ZMYM4: variants seen among roughly 807,000 people sequenced by gnomAD.
ZMYM4 encodes zinc finger MYM-type containing 4, also known as zinc finger MYM-type protein 4.
ZMYM4 carries 31 observed loss-of-function variants against 183.2 expected under a neutral mutation model. That is an observed-to-expected ratio of 0.17 (90% confidence interval 0.13 to 0.23). The LOEUF (loss-of-function observed/expected upper bound fraction) is 0.23, where lower values mean the gene tolerates loss of function less well. Ranked by LOEUF, ZMYM4 falls within the 10% of genes least tolerant of loss-of-function variation. The probability of loss-of-function intolerance (pLI) is 1.00; values close to 1 mark genes in which losing one functional copy is unlikely to be tolerated. For missense variants in ZMYM4, 1,273 were observed against 1,840.3 expected (o/e 0.69, Z 5.64); for synonymous variants, 592 against 631.2 (o/e 0.94, Z 0.93).
chr1:35,378,769 CT>C (rs1488184433), intron 7 of ZMYM4, among the ~76,000 whole-genome samples: 1 of 152,164 alleles, frequency 6.6e-6, no homozygotes, highest in Non-Finnish European at 1.5e-5. Context: ...ACTGTTTCTT[CT>C]ACATTGAGAA....
chr1:35,290,329 G>T (rs1640700804), intron 1 of ZMYM4, among the ~76,000 whole-genome samples: 1 of 152,174 alleles, frequency 6.6e-6, no homozygotes, highest in Non-Finnish European at 1.5e-5. Flanking sequence ...ACTACTAATT[G>T]TACTTATGCT....
rs1055667517 is a variant in ZMYM4 at position 35,268,905 on chromosome 1, C to T, written c.-142C>T. Reference sequence around the variant, plus strand: ...CCCGGCGCGCGGCATCCGCCCCCTCCCCACTCTCGGCGCAAGGCCCGGCCG... The same window carrying T: ...CCCGGCGCGCGGCATCCGCCCCCTCTCCACTCTCGGCGCAAGGCCCGGCCG... On this transcript the variant is annotated 5_prime_UTR_variant, in exon 1 of 30. Transcript: ENST00000314607. 7.4e-6 allele frequency: 7 copies of T among 948,652 alleles called. No individual in the cohort carries two copies. The African/African-American group carries it at 8.6e-5, about 12-fold the overall frequency. The allele number at this position is 948,652 out of a possible 1,614,324, so 58.8% of individuals were successfully genotyped here.
At chr1:35,330,218 A>G (rs1217815461) in intron 2 of ZMYM4, among the ~76,000 whole-genome samples, 1 of 149,516 alleles carries the variant, frequency 6.7e-6, no homozygotes, top group South Asian at 2.2e-4. Flanking sequence ...GTCTCAAAAT[A>G]TAAAAGGAAG....
chr1:35,370,522 G>A lies in ZMYM4; in HGVS notation c.1076G>A (p.Gly359Glu). The A allele has an allele frequency of 6.2e-7, 1 of 1,612,980 alleles. No homozygotes were observed. The highest frequency in any genetic ancestry group is 8.5e-7 in the Non-Finnish European group (1 of 1,179,734). ...QKGQTAYQRK[G>E]STQLFCSTLC... The stretch of plus-strand genomic sequence containing the variant: ...GGGCAAACTGCTTATCAGAGGAAAG[G>A]GTCTACTCAGCTATTCTGCTCCACA... Residue 359 changes from glycine to glutamate, a missense_variant, in exon 7 of 30, where the codon GGG becomes GAG. This residue lies in a region of ZMYM4 where 384 missense variants were observed against 465.6 expected (regional missense o/e 0.82). Transcript: ENST00000314607.
In ZMYM4 at chr1:35,389,801, G is replaced by A; in HGVS notation, c.2437-147G>A. The A allele has an allele frequency of 1.8e-6, 1 of 570,650 alleles. No homozygotes were observed. The highest frequency in any genetic ancestry group is 2.2e-5 in the South Asian group (1 of 45,286). 35.3% of individuals were successfully genotyped at this position (570,650 alleles called of 1,614,324 possible). On this transcript the variant is annotated intron_variant, in intron 14 of 29. Transcript: ENST00000314607. The surrounding 1 kb of genome is among the most constrained non-coding windows in gnomAD (Gnocchi z 4.0). ...TATATATGTGTGTGTGTGTGTGTGT[G>A]TGTGTGTATAATCATTGATAAAGAC...
chr1:35,279,799 T>C (rs1019425868), intron 1 of ZMYM4, among the ~76,000 whole-genome samples: 6 of 152,182 alleles, frequency 3.9e-5, no homozygotes, highest in Non-Finnish European at 7.4e-5. Flanking sequence ...TTTCTTCCAG[T>C]TCCCAGTCAC....
intron 2 of ZMYM4, among the ~76,000 whole-genome samples, chr1:35,347,195 C>T (rs1254408493): frequency 2.6e-5 from 4 of 152,176 alleles, no homozygotes; most frequent in African/African-American, 9.6e-5. Context: ...TTAGTAGAGA[C>T]AGGGTTTCAC....
chr1:35,269,028 G>C lies in ZMYM4; in HGVS notation c.-19G>C. 6.5e-7 allele frequency: 1 copy of C among 1,540,058 alleles called. No individual in the cohort carries two copies. The highest frequency in any genetic ancestry group is 2.5e-5 in the East Asian group (1 of 39,830). On this transcript the variant is annotated 5_prime_UTR_variant, in exon 1 of 30. Coordinates refer to ENST00000314607, the MANE Select transcript of ZMYM4 (RefSeq NM_005095.3). ...CGCCACCGCGCGGGGAGCCGCAGCG[G>C]TTCCGAGCGGGGCCCAACATGGCGG... is the stretch of plus-strand genomic sequence containing the variant.
chr1:35,393,586 T>G lies in ZMYM4; in HGVS notation c.2767-9T>G. 1 of 1,563,732 alleles carries G rather than the reference T, an allele frequency of 6.4e-7. No individual in the cohort carries two copies. Among genetic ancestry groups the G allele is most frequent in the Non-Finnish European group, 8.6e-7 (1 of 1,161,046 alleles). Reference sequence around the variant, plus strand: ...AATGTTTTTGGTTTCTAATTTGTTTTTTTACTAGGCAAGTACTCAAACAGA... The same window carrying G: ...AATGTTTTTGGTTTCTAATTTGTTTGTTTACTAGGCAAGTACTCAAACAGA... On this transcript the variant is annotated splice_polypyrimidine_tract_variant and intron_variant, in intron 17 of 29. Coordinates refer to ENST00000314607, the MANE Select transcript of ZMYM4 (RefSeq NM_005095.3).
intron 20 of ZMYM4, 129 bp downstream of exon 20, chr1:35,397,674 G>C (rs1460266481): frequency 1.4e-6 from 1 of 715,430 alleles, no homozygotes; most frequent in East Asian, 3.2e-5. Context: ...CAAGCCTGTG[G>C]GGTTGATTAC....
intron 2 of ZMYM4, among the ~76,000 whole-genome samples, chr1:35,354,277 C>CT (rs1643734323): frequency 6.6e-6 from 1 of 152,174 alleles, no homozygotes; most frequent in Admixed American, 6.5e-5. Flanking sequence ...GCCTCATTCT[C>CT]TTTAACAGCT....
intron 1 of ZMYM4, among the ~76,000 whole-genome samples, chr1:35,293,004 A>ATTTT (rs58564183): frequency 6.9e-6 from 1 of 145,410 alleles, no homozygotes; most frequent in African/African-American, 2.5e-5. Flanking sequence ...TACCATTAAC[A>ATTTT]TTTTTTTTTT....
chr1:35,377,490 A>T (rs938856093), intron 7 of ZMYM4, among the ~76,000 whole-genome samples: 1 of 152,192 alleles, frequency 6.6e-6, no homozygotes, highest in Non-Finnish European at 1.5e-5. Flanking sequence ...GCCATACTTC[A>T]GAGATATTCA....
In ZMYM4 at chr1:35,415,659, C is replaced by G; in HGVS notation, c.4254C>G (p.Thr1418=). The change falls in exon 28 of 30, where the codon ACC becomes ACG. Residue 1418 remains threonine, a synonymous_variant. Transcript: ENST00000314607. ...GGACCAGGACTCTGAAGTACAGTAC[C>G]AAGATGACATATCTGAGGTTCTTCC... The part of the protein sequence containing the change: ...MRRTRTLKYS[T]KMTYLRFFPP... 6.2e-7 allele frequency: 1 copy of G among 1,614,058 alleles called. No homozygotes were observed. The highest frequency in any genetic ancestry group is 1.1e-5 in the South Asian group (1 of 91,078).
chr1:35,371,768 A>G (rs988550292), intron 7 of ZMYM4, among the ~76,000 whole-genome samples: 1 of 152,204 alleles, frequency 6.6e-6, no homozygotes, highest in Non-Finnish European at 1.5e-5. Flanking sequence ...TTTAAAAGAA[A>G]TTTAAATATG....
In ZMYM4 at chr1:35,359,294, G is replaced by C. The variant is rs140835694; in HGVS notation, c.455G>C (p.Arg152Pro). ...CAGGTTTCTGTCTTTAAATCAATAC[G>C]GAAAGATTTTAGTCTAGTAAGAGAA... Reference protein sequence around the residue: ...FDQVSVFKSIRKDFSLVRENS... With the variant: ...FDQVSVFKSIPKDFSLVRENS... Residue 152 changes from arginine (R) to proline (P), a missense_variant, in exon 3 of 30, where the codon CGG becomes CCG. By Grantham distance (103) the Arg-to-Pro change is moderately radical (BLOSUM62 -2). Transcript: ENST00000314607. 5 of 1,609,030 alleles carry C rather than the reference G, an allele frequency of 3.1e-6. No homozygotes were observed. The African/African-American group carries it at 6.7e-5, about 22-fold the overall frequency.
At chr1:35,275,387 G>A (rs1420109613) in intron 1 of ZMYM4, among the ~76,000 whole-genome samples, 2 of 151,894 alleles carry the variant, frequency 1.3e-5, no homozygotes, top group African/African-American at 2.4e-5. Flanking sequence ...GATTACAGGC[G>A]TGCACCACAA....
intron 2 of ZMYM4, among the ~76,000 whole-genome samples, chr1:35,337,608 G>C (rs1012377951): frequency 2.0e-5 from 3 of 152,140 alleles, no homozygotes; most frequent in African/African-American, 7.2e-5. Context: ...AGGTCATACT[G>C]TCTCTGTTGC....
In ZMYM4 at chr1:35,405,407, C is replaced by A. The variant is rs773745264; in HGVS notation, c.3735C>A (p.Asp1245Glu). ...AGGCCTCATCTAGCCCACGTTCTGA[C>A]CCCTTAGGAAGTACTCAAGACCATG... Reference protein sequence around the residue: ...VEQASSSPRSDPLGSTQDHAL... With the variant: ...VEQASSSPRSEPLGSTQDHAL... The change falls in exon 25 of 30, where the codon GAC (aspartate) becomes GAA (glutamate). Residue 1245 changes from aspartate (D) to glutamate (E), a missense_variant. Coordinates refer to ENST00000314607, the MANE Select transcript of ZMYM4 (RefSeq NM_005095.3). 6.2e-7 allele frequency: 1 copy of A among 1,613,640 alleles called. No individual in the cohort carries two copies. The highest frequency in any genetic ancestry group is 1.7e-5 in the Admixed American group (1 of 59,936).
Sources: gnomAD v4.1 joint callset for allele counts (sites outside exome capture counted in the v4.1 genomes callset) on GRCh38, gnomAD v4.1.1 for gene constraint, gnomAD v4.1.1 regional missense constraint, Gnocchi (gnomAD v3.1) non-coding constraint, MANE v1.5 for transcripts, NCBI Gene and HGNC (gene_info 2026-07-23, HGNC 2026-07-21) for gene names.